Variants in FSTL5 observed in about 807,000 individuals in gnomAD.
FSTL5 encodes follistatin like 5.
A neutral mutation model predicts 89.1 loss-of-function variants in FSTL5; 62 were observed. The ratio of observed to expected loss-of-function variants is 0.70; its 90% confidence interval spans 0.57 to 0.86. The LOEUF is 0.86. Ranked by LOEUF, FSTL5 falls within the 40% of genes least tolerant of loss-of-function variation. The probability of loss-of-function intolerance (pLI) is 0.00; values close to 1 mark genes in which losing one functional copy is unlikely to be tolerated. For missense variants in FSTL5, 1,057 were observed against 1,001.6 expected (o/e 1.06, Z -0.75); for synonymous variants, 383 against 346.2 (o/e 1.11, Z -1.18).
At chr4:162,147,751 G>A (rs551634811) in intron 1 of FSTL5, among the ~76,000 whole-genome samples, 77 of 152,186 alleles carry the variant, frequency 5.1e-4, no homozygotes, top group African/African-American at 1.8e-3. Flanking sequence ...GGTGGCTCAC[G>A]CCTGTAATCA....
intron 2 of FSTL5, among the ~76,000 whole-genome samples, chr4:162,070,203 TTTTG>T (rs766532467): frequency 1.5e-4 from 23 of 151,852 alleles, no homozygotes; most frequent in Non-Finnish European, 2.9e-4. Flanking sequence ...TAATGGGATT[TTTTG>T]TTTGTTTGTT....
At chr4:162,020,584 T>G (rs920634644) in intron 3 of FSTL5, among the ~76,000 whole-genome samples, 1 of 152,088 alleles carries the variant, frequency 6.6e-6, no homozygotes, top group African/African-American at 2.4e-5. Context: ...AATGGAGTCT[T>G]AGACTAATTA....
chr4:161,775,975 C>A lies in FSTL5; in HGVS notation c.509G>T (p.Gly170Val), dbSNP rs773608761. The A allele has an allele frequency of 6.2e-7, 1 of 1,603,392 alleles. No individual in the cohort carries two copies. Among genetic ancestry groups the A allele is most frequent in the Admixed American group, 1.7e-5 (1 of 59,076 alleles). The change falls in exon 5 of 16, where the codon GGC (glycine) becomes GTC (valine). Residue 170 changes from glycine (G) to valine (V), a missense_variant. Around this residue, in one of 3 missense-constraint regions of FSTL5, gnomAD observed 980 missense variants for 903.2 expected, o/e 1.08. Coordinates refer to ENST00000306100, the MANE Select transcript of FSTL5 (RefSeq NM_020116.5). ...TAGCTTCTTCCGAGATATGTCGTCG[C>A]CATTAGGATTTTCATTTTCTTGCAT... ...YIMQENENPNGDDISRKKLLV... is the reference protein window; with the variant it reads ...YIMQENENPNVDDISRKKLLV...
chr4:161,643,128 AT>A (rs1311794073), intron 7 of FSTL5, among the ~76,000 whole-genome samples: 1 of 152,146 alleles, frequency 6.6e-6, no homozygotes, highest in African/African-American at 2.4e-5. Flanking sequence ...ATTAAGTGCT[AT>A]TATTGTGTTA....
intron 7 of FSTL5, among the ~76,000 whole-genome samples, chr4:161,648,454 A>AT (rs1431674114): frequency 6.6e-6 from 1 of 152,178 alleles, no homozygotes; most frequent in East Asian, 1.9e-4. Context: ...TTCCCGTTTC[A>AT]TAAGAGGACA....
intron 2 of FSTL5, among the ~76,000 whole-genome samples, chr4:162,079,064 T>C (rs990014228): frequency 4.0e-5 from 6 of 151,688 alleles, no homozygotes; most frequent in African/African-American, 1.5e-4. Context: ...AGTTATAAAT[T>C]ATGGAGAACA....
chr4:162,111,160 C>T (rs772327467), intron 2 of FSTL5, 111 bp downstream of exon 2: 6 of 844,466 alleles, frequency 7.1e-6, no homozygotes, highest in South Asian at 3.4e-5. Context: ...ATGGAAACTA[C>T]TGAAAGCATA....
chr4:162,117,992 G>A (rs1281416877), intron 1 of FSTL5, among the ~76,000 whole-genome samples: 1 of 152,098 alleles, frequency 6.6e-6, no homozygotes, highest in African/African-American at 2.4e-5. Context: ...ATCGCAAAAA[G>A]CCCTTTCTTT....
intron 4 of FSTL5, among the ~76,000 whole-genome samples, chr4:161,806,906 A>G (rs1273415246): frequency 1.3e-5 from 2 of 152,110 alleles, no homozygotes; most frequent in African/African-American, 4.8e-5. Context: ...ACAGATAGAT[A>G]GATACATAGA....
At chr4:162,140,007 A>G (rs1348146194) in intron 1 of FSTL5, among the ~76,000 whole-genome samples, 1 of 152,158 alleles carries the variant, frequency 6.6e-6, no homozygotes, top group East Asian at 1.9e-4. Context: ...AAACGGTAAA[A>G]GAAACTCATT....
chr4:161,584,887 G>A (rs1265913199), intron 8 of FSTL5, among the ~76,000 whole-genome samples: 1 of 152,130 alleles, frequency 6.6e-6, no homozygotes, highest in African/African-American at 2.4e-5. Flanking sequence ...GAAAGAAACT[G>A]GTTTTGCTCC....
intron 4 of FSTL5, among the ~76,000 whole-genome samples, chr4:161,880,183 G>C (rs1428833486): frequency 6.6e-6 from 1 of 151,986 alleles, no homozygotes; most frequent in Non-Finnish European, 1.5e-5. Flanking sequence ...AAATTTTACT[G>C]CATGCAAATT....
chr4:161,555,858 G>A (rs1350841007), intron 8 of FSTL5, among the ~76,000 whole-genome samples: 1 of 151,542 alleles, frequency 6.6e-6, no homozygotes, highest in East Asian at 1.9e-4. Flanking sequence ...GACTTAATAA[G>A]AGGAACAGAA....
intron 15 of FSTL5, among the ~76,000 whole-genome samples, chr4:161,438,257 C>T (rs770099545): frequency 8.8e-5 from 13 of 147,302 alleles, no homozygotes; most frequent in Non-Finnish European, 1.5e-4. Context: ...AAGTGATTCT[C>T]TGCCTATGAG....
intron 8 of FSTL5, among the ~76,000 whole-genome samples, chr4:161,583,217 T>A (rs1222239817): frequency 1.3e-5 from 2 of 151,830 alleles, no homozygotes; most frequent in Non-Finnish European, 2.9e-5. Context: ...AATAAATAAA[T>A]AAAAGTTCTT....
intron 4 of FSTL5, among the ~76,000 whole-genome samples, chr4:161,909,852 T>C (rs1733641318): frequency 6.6e-6 from 1 of 152,246 alleles, no homozygotes; most frequent in African/African-American, 2.4e-5. Context: ...TTTCCTTCTA[T>C]GTTTCCTTAT....
At chr4:161,830,651 A>G (rs1258100342) in intron 4 of FSTL5, among the ~76,000 whole-genome samples, 2 of 152,050 alleles carry the variant, frequency 1.3e-5, no homozygotes, top group Non-Finnish European at 2.9e-5. Context: ...TGTCTGTTTA[A>G]CAGAACATAC....
At chr4:162,093,237 T>A (rs1730619111) in intron 2 of FSTL5, among the ~76,000 whole-genome samples, 1 of 152,158 alleles carries the variant, frequency 6.6e-6, no homozygotes, top group Admixed American at 6.6e-5. Flanking sequence ...GCAGTGCTCA[T>A]TTTTTGTGTG....
At chr4:161,674,377 A>G (rs1362698385) in intron 6 of FSTL5, among the ~76,000 whole-genome samples, 1 of 152,174 alleles carries the variant, frequency 6.6e-6, no homozygotes, top group Non-Finnish European at 1.5e-5. Flanking sequence ...TTATGTACAG[A>G]ATAAAAGACG....
Sources: allele counts gnomAD v4.1 joint callset (sites outside exome capture counted in the v4.1 genomes callset), GRCh38; gene constraint gnomAD v4.1.1; regional missense constraint gnomAD v4.1.1; transcripts MANE v1.5; gene names NCBI Gene and HGNC (gene_info 2026-07-23, HGNC 2026-07-21).